The following CPED1 variants were observed in gnomAD, a reference collection of about 807,000 sequenced individuals.
The protein encoded by CPED1 is cadherin-like and PC-esterase domain-containing protein 1.
In CPED1, 114 loss-of-function variants were observed where a neutral mutation model predicts 128.2. The ratio of observed to expected loss-of-function variants is 0.89; its 90% CI spans 0.76 to 1.04. The LOEUF is 1.04. CPED1 is among the 50% of genes least tolerant of loss of function. CPED1 has a pLI of 0.00. For synonymous variants in CPED1, 462 were observed against 426.7 expected (o/e 1.08, Z -1.02); for missense variants, 1,211 against 1,207.1 (o/e 1.00, Z -0.05).
intron 5 of CPED1, among the ~76,000 whole-genome samples, chr7:121,080,686 T>G (rs1794263585): frequency 6.6e-6 from 1 of 150,446 alleles, no homozygotes; most frequent in East Asian, 2.0e-4. Flanking sequence ...ATTATTTACT[T>G]ATGCATTTTA....
intron 16 of CPED1, among the ~76,000 whole-genome samples, chr7:121,153,723 T>C (rs1206235132): frequency 1.3e-5 from 2 of 152,138 alleles, no homozygotes; most frequent in African/African-American, 4.8e-5. Flanking sequence ...CAAAACAAGA[T>C]TGTTAAAGTA....
At chr7:121,282,730 G>A (rs997300039) in intron 22 of CPED1, among the ~76,000 whole-genome samples, 5 of 152,158 alleles carry the variant, frequency 3.3e-5, no homozygotes, top group Admixed American at 3.3e-4. Flanking sequence ...AATGTACTAA[G>A]GAACTATTCA....
chr7:121,295,175 A>ACACACACACACACACACACACACACAC (rs1562865931), intron 22 of CPED1, among the ~76,000 whole-genome samples: 1 of 151,592 alleles, frequency 6.6e-6, no homozygotes, highest in African/African-American at 2.4e-5. Context: ...ACACACACAC[A>ACACACACACACACACACACACACACAC]AAGACTAGAA....
At chr7:121,209,306 T>A (rs74731839) in intron 16 of CPED1, among the ~76,000 whole-genome samples, 5,698 of 152,082 alleles carry the variant, frequency 0.037, 138 homozygotes, top group Middle Eastern at 0.048. Flanking sequence ...ATTTTTCTGG[T>A]CATGGGTTCT....
intron 20 of CPED1, 148 bp from the exon 21 acceptor site, chr7:121,267,067 A>G (rs1275706229): frequency 3.3e-6 from 2 of 614,818 alleles, no homozygotes; most frequent in Non-Finnish European, 5.7e-6. Flanking sequence ...AAACCGTATT[A>G]TACATCAAAT....
At chr7:121,141,144 C>T (rs907958131) in intron 15 of CPED1, 131 bp downstream of exon 15, 2 of 606,712 alleles carry the variant, frequency 3.3e-6, no homozygotes, top group African/African-American at 3.9e-5. Flanking sequence ...GTGAACTTTC[C>T]CCTTCTCATT....
At chr7:121,021,212 G>T (rs948011406) in intron 3 of CPED1, among the ~76,000 whole-genome samples, 1 of 151,912 alleles carries the variant, frequency 6.6e-6, no homozygotes, top group Non-Finnish European at 1.5e-5. Context: ...ATAGTTAATA[G>T]AGCAAGAGAT....
At chr7:121,210,516 G>A (rs2116591673) in intron 16 of CPED1, among the ~76,000 whole-genome samples, 1 of 152,088 alleles carries the variant, frequency 6.6e-6, no homozygotes, top group South Asian at 2.1e-4. Flanking sequence ...AACATGAATG[G>A]AAATGGAAGA....
chr7:121,114,886 T>C (rs1387677627), intron 7 of CPED1, among the ~76,000 whole-genome samples: 2 of 152,264 alleles, frequency 1.3e-5, no homozygotes, highest in African/African-American at 4.8e-5. Flanking sequence ...TACTGTTTAC[T>C]GTGTGCATAA....
intron 16 of CPED1, among the ~76,000 whole-genome samples, chr7:121,168,480 G>A (rs1020753353): frequency 3.3e-5 from 5 of 152,080 alleles, no homozygotes; most frequent in African/African-American, 1.2e-4. Context: ...TATGTAGTAG[G>A]TGTATATGGG....
At chr7:121,044,254 A>G (rs2116895610) in intron 3 of CPED1, among the ~76,000 whole-genome samples, 1 of 152,288 alleles carries the variant, frequency 6.6e-6, no homozygotes, top group Non-Finnish European at 1.5e-5. Context: ...GGAAATAGAA[A>G]TGAAGACAAA....
chr7:121,239,451 G>C (rs1442249707), intron 17 of CPED1, among the ~76,000 whole-genome samples: 1 of 151,578 alleles, frequency 6.6e-6, no homozygotes, highest in Non-Finnish European at 1.5e-5. Flanking sequence ...ATTCTAATTA[G>C]GAAAAATAAA....
chr7:121,033,912 TC>T (rs1385080620), intron 3 of CPED1, among the ~76,000 whole-genome samples: 1 of 152,216 alleles, frequency 6.6e-6, no homozygotes, highest in Admixed American at 6.5e-5. Flanking sequence ...CTCTCCTTCC[TC>T]TTAGACTTCT....
chr7:121,104,130 G>A (rs527983338), intron 7 of CPED1, among the ~76,000 whole-genome samples: 11 of 152,088 alleles, frequency 7.2e-5, no homozygotes, highest in African/African-American at 2.7e-4. Context: ...CATTTGATCT[G>A]ATTTTAAATC....
chr7:121,128,244 T>C (rs1235844559), intron 10 of CPED1, 138 bp from the exon 11 acceptor site: 10 of 585,254 alleles, frequency 1.7e-5, no homozygotes, highest in Non-Finnish European at 2.8e-5. Flanking sequence ...TTGAAGTTGC[T>C]ATGTATTATT....
At chr7:121,172,520 T>C (rs1112810) in intron 16 of CPED1, among the ~76,000 whole-genome samples, 51,028 of 151,904 alleles carry the variant, frequency 0.34, 8,973 homozygotes, top group Middle Eastern at 0.49. Context: ...AAATAAAATA[T>C]GTTTAAAAAC....
intron 2 of CPED1, among the ~76,000 whole-genome samples, chr7:120,996,525 G>C (rs1378713592): frequency 1.3e-5 from 2 of 152,088 alleles, no homozygotes; most frequent in Non-Finnish European, 2.9e-5. Context: ...GCCCAGATCT[G>C]GATTTCCTCC....
intron 16 of CPED1, among the ~76,000 whole-genome samples, chr7:121,142,615 A>G (rs1795932397): frequency 6.6e-6 from 1 of 151,972 alleles, no homozygotes; most frequent in East Asian, 1.9e-4. Context: ...TTTCTCATTC[A>G]CTTCTCATAC....
chr7:121,133,425 A>G (rs780981900), intron 12 of CPED1, among the ~76,000 whole-genome samples: 7 of 152,080 alleles, frequency 4.6e-5, no homozygotes, highest in Non-Finnish European at 1.0e-4. Context: ...TATTTCTTCA[A>G]TTAAATGTAT....
Sources: gnomAD v4.1 joint callset for allele counts (sites outside exome capture counted in the v4.1 genomes callset) on GRCh38, gnomAD v4.1.1 for gene constraint, MANE v1.5 for transcripts, NCBI Gene and HGNC (gene_info 2026-07-23, HGNC 2026-07-21) for gene names.